TNR: variants seen among roughly 807,000 people sequenced by gnomAD.
The protein encoded by TNR is tenascin R.
Under a neutral mutation model 150.4 loss-of-function variants are expected in TNR, and 45 were observed. That is an observed-to-expected ratio of 0.30 (90% CI 0.24 to 0.38). TNR has a LOEUF of 0.38. Among genes scored for constraint, TNR ranks in the 10% least tolerant of loss-of-function variants. The pLI, the probability that TNR is intolerant of heterozygous loss-of-function variation, is 1.00. For synonymous variants in TNR, 687 were observed against 678.4 expected, an observed-to-expected ratio of 1.01 and a Z score of -0.20; for missense variants, 1,544 against 1,759.1, an observed-to-expected ratio of 0.88 and a Z score of 2.19.
At chr1:175,694,421 C>T (rs985846571) in intron 1 of TNR, among the ~76,000 whole-genome samples, 1 of 152,224 alleles carries the variant, frequency 6.6e-6, no homozygotes, top group Non-Finnish European at 1.5e-5. Context: ...ATCCAAAGTC[C>T]TATCAGTTTT....
At chr1:175,676,676 T>TAAA (rs1475859184) in intron 1 of TNR, among the ~76,000 whole-genome samples, 1 of 152,218 alleles carries the variant, frequency 6.6e-6, no homozygotes, top group Non-Finnish European at 1.5e-5. Context: ...GAAAAAATCC[T>TAAA]ATTTCTCCCT....
At chr1:175,356,951 C>A (rs1651361129) in intron 15 of TNR, among the ~76,000 whole-genome samples, 1 of 152,252 alleles carries the variant, frequency 6.6e-6, no homozygotes, top group African/African-American at 2.4e-5. Context: ...GAGGTACTGA[C>A]CAATGAAATA....
intron 2 of TNR, among the ~76,000 whole-genome samples, chr1:175,431,619 C>T (rs1331030394): frequency 6.6e-6 from 1 of 150,514 alleles, no homozygotes; most frequent in Non-Finnish European, 1.5e-5. Flanking sequence ...GCCAGGAAAG[C>T]TTCCACTGAC....
chr1:175,473,757 C>T (rs181592133), intron 2 of TNR, among the ~76,000 whole-genome samples: 49 of 152,344 alleles, frequency 3.2e-4, no homozygotes, highest in African/African-American at 1.0e-3. Context: ...GTGGGAGCAG[C>T]TAACAGAGTG....
intron 9 of TNR, among the ~76,000 whole-genome samples, chr1:175,376,879 T>TATATATATATACAC (rs36055169): frequency 3.4e-5 from 5 of 146,534 alleles, no homozygotes; most frequent in Non-Finnish European, 7.5e-5. Context: ...TATATATATA[T>TATATATATATACAC]ACACATATAT....
At position 175,359,700 on chromosome 1, in the gene TNR, G is replaced by T. The variant is rs371810334; in HGVS notation, c.2886C>A (p.Thr962=). 6.2e-7 allele frequency: 1 copy of T among 1,613,572 alleles called. No individual in the cohort carries two copies. The highest frequency in any genetic ancestry group is 2.2e-5 in the East Asian group (1 of 44,838). The part of the protein sequence containing the change: ...AMDNPVDLIA[T]NITPTEALLQ... ...GCAGGGCTTCTGTTGGAGTGATATT[G>T]GTAGCAATCAGATCCACAGGGTTGT... Residue 962 remains threonine (T), a synonymous_variant, in exon 15 of 23, where the codon ACC becomes ACA. Coordinates refer to ENST00000367674, the MANE Select transcript of TNR (RefSeq NM_003285.3).
Position 175,607,459 on chromosome 1 carries a change from T to A in TNR, c.-164-79090A>T, listed in dbSNP as rs182487985. Among the ~76,000 whole-genome samples the A allele has an allele frequency of 2.2e-4, 34 of 152,344 alleles. No homozygotes were observed. In the East Asian group the frequency reaches 6.0e-3, roughly 27 times the overall value. On this transcript the variant is annotated intron_variant, in intron 1 of 22. Transcript: ENST00000367674. The stretch of plus-strand genomic sequence containing the variant: ...GAGAAAGGTAAAGATTGGAAACATT[T>A]CCCCAAATTCTGAGTAATCACAGAA...
intron 1 of TNR, among the ~76,000 whole-genome samples, chr1:175,701,321 ACTT>A (rs1666690298): frequency 6.6e-6 from 1 of 151,784 alleles, no homozygotes; most frequent in African/African-American, 2.4e-5. Flanking sequence ...CCCACCCACC[ACTT>A]CTTCTCATGG....
chr1:175,460,689 A>G (rs1557947893), intron 2 of TNR, among the ~76,000 whole-genome samples: 1 of 152,212 alleles, frequency 6.6e-6, no homozygotes, highest in Non-Finnish European at 1.5e-5. Flanking sequence ...GCTTCTGAAA[A>G]GTTTAGTAAC....
intron 2 of TNR, among the ~76,000 whole-genome samples, chr1:175,468,772 G>A (rs530233322): frequency 5.9e-5 from 9 of 152,300 alleles, no homozygotes; most frequent in African/African-American, 1.9e-4. Flanking sequence ...GCTGGAGCCT[G>A]AGGTGGAGGC....
At chr1:175,361,559 A>C (rs894288490) in intron 14 of TNR, among the ~76,000 whole-genome samples, 10 of 152,190 alleles carry the variant, frequency 6.6e-5, no homozygotes, top group Admixed American at 6.5e-5. Flanking sequence ...TTGTGAAGGA[A>C]TATTTCTTGG....
chr1:175,570,424 GGT>G (rs965400601), intron 1 of TNR, among the ~76,000 whole-genome samples: 9 of 152,042 alleles, frequency 5.9e-5, no homozygotes, highest in Non-Finnish European at 1.0e-4. Context: ...ACTTGGAGAG[GGT>G]GTGTGGGGGG....
chr1:175,553,369 C>G (rs542388045), intron 1 of TNR, among the ~76,000 whole-genome samples: 22 of 152,268 alleles, frequency 1.4e-4, no homozygotes, highest in Middle Eastern at 3.4e-3. Flanking sequence ...AGGATCACAG[C>G]ATCCAGTGTT....
intron 2 of TNR, among the ~76,000 whole-genome samples, chr1:175,513,185 G>A (rs566041885): frequency 3.3e-5 from 5 of 152,248 alleles, no homozygotes; most frequent in African/African-American, 1.2e-4. Context: ...GTGCTTCTGC[G>A]TGGGCTGTCT....
chr1:175,587,452 A>T (rs1558023114), intron 1 of TNR, among the ~76,000 whole-genome samples: 1 of 152,216 alleles, frequency 6.6e-6, no homozygotes, highest in Non-Finnish European at 1.5e-5. Context: ...CTCACATTTG[A>T]GGGTTAAATG....
chr1:175,601,961 A>G (rs1663254771), intron 1 of TNR, among the ~76,000 whole-genome samples: 1 of 152,144 alleles, frequency 6.6e-6, no homozygotes, highest in South Asian at 2.1e-4. Flanking sequence ...CAGAGGACAC[A>G]CTTGGCCCCA....
intron 2 of TNR, among the ~76,000 whole-genome samples, chr1:175,411,826 G>T (rs1049962922): frequency 6.6e-6 from 1 of 151,924 alleles, no homozygotes; most frequent in African/African-American, 2.4e-5. Context: ...ACTTCAACAC[G>T]TCTTCTTTGG....
intron 2 of TNR, among the ~76,000 whole-genome samples, chr1:175,505,810 G>A (rs1413945171): frequency 6.6e-6 from 1 of 152,260 alleles, no homozygotes; most frequent in Admixed American, 6.5e-5. Flanking sequence ...GGAGGCCGAG[G>A]TGGGTGGATC....
chr1:175,451,218 A>ATTTTTT (rs1402508268), intron 2 of TNR, among the ~76,000 whole-genome samples: 26 of 92,488 alleles, frequency 2.8e-4, no homozygotes, highest in South Asian at 6.9e-4. Context: ...TTTTTTTTTA[A>ATTTTTT]TGTTTTTATT....
Sources: gnomAD v4.1 joint callset for allele counts (sites outside exome capture counted in the v4.1 genomes callset) on GRCh38, gnomAD v4.1.1 for gene constraint, MANE v1.5 for transcripts, NCBI Gene and HGNC (gene_info 2026-07-23, HGNC 2026-07-21) for gene names.